MAP2: variants seen among roughly 807,000 people sequenced by gnomAD.
MAP2 encodes microtubule-associated protein 2.
In MAP2, 14 loss-of-function variants were observed where a neutral mutation model predicts 137.6. That is an observed-to-expected ratio of 0.10 (90% CI 0.07 to 0.16). The LOEUF is 0.16. Ranked by LOEUF, MAP2 falls within the 10% of genes least tolerant of loss-of-function variation. MAP2 has a pLI of 1.00. For missense variants in MAP2, 2,088 were observed against 2,191.5 expected (o/e 0.95, Z 0.94); for synonymous variants, 786 against 782.3 (o/e 1.00, Z -0.08).
chr2:209,529,907 C>A (rs2064840161), intron 2 of MAP2, among the ~76,000 whole-genome samples: 1 of 148,242 alleles, frequency 6.7e-6, no homozygotes. Context: ...CCCGCCCGCC[C>A]ATTAATGATT....
chr2:209,658,758 CG>C (rs1168508258), intron 5 of MAP2, among the ~76,000 whole-genome samples: 1 of 152,112 alleles, frequency 6.6e-6, no homozygotes, highest in African/African-American at 2.4e-5. Context: ...CCACCCACCT[CG>C]ACCTCCCAAA....
chr2:209,592,362 T>C (rs2079498049), intron 3 of MAP2, among the ~76,000 whole-genome samples: 1 of 152,208 alleles, frequency 6.6e-6, no homozygotes, highest in South Asian at 2.1e-4. Flanking sequence ...ATGACTTACT[T>C]ACCCTCATTT....
At chr2:209,599,558 A>T (rs181235954) in intron 3 of MAP2, among the ~76,000 whole-genome samples, 120 of 152,286 alleles carry the variant, frequency 7.9e-4, no homozygotes, top group Admixed American at 3.8e-3. Context: ...CTAAATTACT[A>T]TTGGGAACAC....
chr2:209,714,792 A>T (rs764446997), intron 13 of MAP2, among the ~76,000 whole-genome samples: 3 of 152,204 alleles, frequency 2.0e-5, no homozygotes, highest in Non-Finnish European at 4.4e-5. Flanking sequence ...TGCATATAGG[A>T]CATTAAATAT....
chr2:209,640,522 A>T (rs2093936314), intron 4 of MAP2, among the ~76,000 whole-genome samples: 1 of 151,164 alleles, frequency 6.6e-6, no homozygotes, highest in African/African-American at 2.5e-5. Context: ...ACGTTCACTG[A>T]TAAGGAATGC....
intron 1 of MAP2, among the ~76,000 whole-genome samples, chr2:209,475,850 T>C (rs1021380676): frequency 1.3e-5 from 2 of 152,152 alleles, no homozygotes; most frequent in African/African-American, 2.4e-5. Context: ...TTTAGCAGTA[T>C]TCCAGAACCT....
At chr2:209,465,322 A>G (rs1033835684) in intron 1 of MAP2, among the ~76,000 whole-genome samples, 1 of 152,192 alleles carries the variant, frequency 6.6e-6, no homozygotes, top group African/African-American at 2.4e-5. Flanking sequence ...TTCAAAATAG[A>G]ATAAAAAATG....
chr2:209,676,278 G>A (rs1559533704), intron 5 of MAP2, among the ~76,000 whole-genome samples: 1 of 151,836 alleles, frequency 6.6e-6, no homozygotes, highest in African/African-American at 2.4e-5. Context: ...ACTAACACAG[G>A]AACAGAAAAC....
At chr2:209,647,664 T>C (rs6716675) in intron 4 of MAP2, among the ~76,000 whole-genome samples, 9,603 of 152,202 alleles carry the variant, frequency 0.063, 528 homozygotes, top group African/African-American at 0.15. Context: ...CTAAAGAATC[T>C]TCGATTTTTC....
rs1693135822 is a variant in MAP2 at position 209,428,311 on chromosome 2, A to T, written c.-222+4035A>T. On this transcript the variant is annotated intron_variant, in intron 1 of 15. Transcript: ENST00000682079. Reference sequence around the variant, plus strand: ...TCTTTCAGTCTACTGTTAAGTTTATATTGTGGAAGTTGGGGAAAGTTTTAG... The same window carrying T: ...TCTTTCAGTCTACTGTTAAGTTTATTTTGTGGAAGTTGGGGAAAGTTTTAG... 1.3e-5 allele frequency among the ~76,000 whole-genome samples: 2 copies of T among 151,396 alleles called. 1 individual carries two copies. Among genetic ancestry groups the T allele is most frequent in the South Asian group, 4.2e-4 (2 of 4,774 alleles).
In MAP2 at chr2:209,694,894, G is replaced by A. The variant is rs760215358; in HGVS notation, c.2724G>A (p.Leu908=). The change falls in exon 8 of 16, where the codon TTG becomes TTA. Residue 908 remains leucine (L), a synonymous_variant. Coordinates refer to ENST00000682079, the MANE Select transcript of MAP2 (RefSeq NM_001375505.1). The part of the protein sequence containing the change: ...EGTDDKVRRD[L]ATDLSLIEVK... ...CTGATGATAAAGTTCGAAGAGATTT[G>A]GCCACAGACCTTTCACTGATTGAAG... is the stretch of plus-strand genomic sequence containing the variant. 6.2e-7 allele frequency: 1 copy of A among 1,614,148 alleles called. No homozygotes were observed. The highest frequency in any genetic ancestry group is 1.3e-5 in the African/African-American group (1 of 75,034).
At chr2:209,569,830 T>C (rs1243367769) in intron 2 of MAP2, among the ~76,000 whole-genome samples, 3 of 151,850 alleles carry the variant, frequency 2.0e-5, no homozygotes, top group Admixed American at 6.6e-5. Context: ...TGTGTTAAGA[T>C]ACGTACTTTA....
At chr2:209,508,728 G>A (rs184709358) in intron 2 of MAP2, among the ~76,000 whole-genome samples, 62 of 151,926 alleles carry the variant, frequency 4.1e-4, no homozygotes, top group Non-Finnish European at 6.6e-4. Context: ...ATAGATAATT[G>A]GAAACTTAAT....
chr2:209,696,763 C>A lies in MAP2; in HGVS notation c.4387+15C>A. 1 of 1,594,486 alleles carries A rather than the reference C, an allele frequency of 6.3e-7. No individual in the cohort carries two copies. Among genetic ancestry groups the A allele is most frequent in the East Asian group, 2.2e-5 (1 of 44,720 alleles). On this transcript the variant is annotated intron_variant, in intron 9 of 15. Transcript: ENST00000682079. ...AAGGAAAAAAGGTTCATTTAACAATCACTTCTTTAAAAATGTTTTTGAAGT... is the reference window on the plus strand; with the variant it reads ...AAGGAAAAAAGGTTCATTTAACAATAACTTCTTTAAAAATGTTTTTGAAGT...
chr2:209,652,357 A>G (rs1205657220), intron 4 of MAP2, among the ~76,000 whole-genome samples: 1 of 152,310 alleles, frequency 6.6e-6, no homozygotes, highest in African/African-American at 2.4e-5. Context: ...GCCTAATGCT[A>G]TATTTATTTC....
At position 209,672,683 on chromosome 2, in the gene MAP2, A is replaced by G. The variant is rs1210069350; in HGVS notation, c.263-5889A>G. ...GTCTAAATGGGACAAGCATATCTTT[A>G]TCCATTATTTTGCTAGTTTTCCCAT... On this transcript the variant is annotated intron_variant, in intron 5 of 15. Transcript: ENST00000682079. Among the ~76,000 whole-genome samples, 7 of 151,870 alleles carry G rather than the reference A, an allele frequency of 4.6e-5. No individual in the cohort carries two copies. In the South Asian group the frequency reaches 1.2e-3, roughly 27 times the overall value.
intron 2 of MAP2, among the ~76,000 whole-genome samples, chr2:209,560,752 A>G (rs879443374): frequency 7.2e-5 from 11 of 152,108 alleles, no homozygotes; most frequent in African/African-American, 2.7e-4. Flanking sequence ...CTATGATTCT[A>G]TTTCAAGTAA....
At chr2:209,663,978 A>G (rs1476695344) in intron 5 of MAP2, among the ~76,000 whole-genome samples, 1 of 152,232 alleles carries the variant, frequency 6.6e-6, no homozygotes, top group African/African-American at 2.4e-5. Context: ...TCGGAAATCT[A>G]CCATTAAAGA....
At chr2:209,687,684 C>G (rs2057482245) in intron 7 of MAP2, among the ~76,000 whole-genome samples, 1 of 152,076 alleles carries the variant, frequency 6.6e-6, no homozygotes. Flanking sequence ...TTGTCCAGTT[C>G]TCCCTGCAGT....
Sources: gnomAD v4.1 joint callset for allele counts (sites outside exome capture counted in the v4.1 genomes callset) on GRCh38, gnomAD v4.1.1 for gene constraint, MANE v1.5 for transcripts, NCBI Gene and HGNC (gene_info 2026-07-23, HGNC 2026-07-21) for gene names.